MVB12B: variants seen among roughly 807,000 people sequenced by gnomAD.
The protein encoded by MVB12B is multivesicular body subunit 12B.
MVB12B carries 16 observed loss-of-function variants against 41.6 expected under a neutral mutation model. The observed-to-expected ratio is 0.38, with a 90% CI of 0.26 to 0.58. The LOEUF is 0.58. Ranked by LOEUF, MVB12B falls within the 20% of genes least tolerant of loss-of-function variation. The pLI, the probability that MVB12B is intolerant of heterozygous loss-of-function variation, is 0.62. For missense variants in MVB12B, 274 were observed against 380.2 expected (o/e 0.72, Z 2.32); for synonymous variants, 133 against 139.7 (o/e 0.95, Z 0.34).
At chr9:126,419,669 A>T (rs549911794) in intron 6 of MVB12B, among the ~76,000 whole-genome samples, 2 of 152,280 alleles carry the variant, frequency 1.3e-5, no homozygotes, top group South Asian at 4.2e-4. Flanking sequence ...GTGGTCAGAG[A>T]CATTGATCAA....
At chr9:126,374,550 C>G (rs999319047) in intron 2 of MVB12B, among the ~76,000 whole-genome samples, 3 of 152,162 alleles carry the variant, frequency 2.0e-5, no homozygotes, top group Non-Finnish European at 4.4e-5. Flanking sequence ...GGGTGGGGGC[C>G]AGGTCCCGAA....
rs1056260090 is a variant in MVB12B, at chr9:126,375,707, AG to A, written c.205-5356del. Among the ~76,000 whole-genome samples the A allele has an allele frequency of 1.2e-3, 185 of 152,278 alleles. 1 individual carries two copies. The highest frequency in any genetic ancestry group is 4.0e-3 in the African/African-American group (166 of 41,546). ...GGGCCCCTGGGAGATAAACTTTTTA[AG>A]TCCTTGCACATCGGCAAAGGTCTTT... is the stretch of plus-strand genomic sequence containing the variant. On this transcript the variant is annotated intron_variant, in intron 2 of 9. Coordinates refer to ENST00000361171, the MANE Select transcript of MVB12B (RefSeq NM_033446.3).
Position 126,336,337 on chromosome 9 carries a change from G to A in MVB12B, c.82-4171G>A, listed in dbSNP as rs534122977. Among the ~76,000 whole-genome samples, 8 of 152,328 alleles carry A rather than the reference G, an allele frequency of 5.3e-5. No individual in the cohort carries two copies. The South Asian group carries it at 1.2e-3, about 24-fold the overall frequency. The stretch of plus-strand genomic sequence containing the variant: ...CTCTGTTTTCTCCCAGACTGGGGCC[G>A]GGAGGCACACCTTTGATTCCGAAAC... On this transcript the variant is annotated intron_variant, in intron 1 of 9. Transcript: ENST00000361171.
Position 126,478,793 on chromosome 9 carries a change from A to T in MVB12B, c.758-2576A>T, listed in dbSNP as rs1320441299. Among the ~76,000 whole-genome samples the T allele has an allele frequency of 6.6e-6, 1 of 151,970 alleles. No individual in the cohort carries two copies. Among genetic ancestry groups the T allele is most frequent in the Non-Finnish European group, 1.5e-5 (1 of 67,974 alleles). On this transcript the variant is annotated intron_variant, in intron 7 of 9. Transcript: ENST00000361171. This position sits in a 1 kb window ranked among gnomAD's most constrained non-coding sequence, Gnocchi z 4.2. Reference sequence around the variant, plus strand: ...TCTCAGCCCCCTCAGTTCCTGATGTAATCAGGTCTTTGCACATCACCTTAC... The same window carrying T: ...TCTCAGCCCCCTCAGTTCCTGATGTTATCAGGTCTTTGCACATCACCTTAC...
chr9:126,356,765 C>T (rs980065787), intron 2 of MVB12B, among the ~76,000 whole-genome samples: 5 of 151,948 alleles, frequency 3.3e-5, no homozygotes, highest in African/African-American at 1.2e-4. Context: ...AGAGAGTTCT[C>T]GAGAGACCTG....
Position 126,429,449 on chromosome 9 carries a change from T to G in MVB12B, c.757+7501T>G, listed in dbSNP as rs1027235002. 2.0e-5 allele frequency among the ~76,000 whole-genome samples: 3 copies of G among 152,170 alleles called. No individual in the cohort carries two copies. The South Asian group carries it at 6.2e-4, about 31-fold the overall frequency. On this transcript the variant is annotated intron_variant, in intron 7 of 9. Transcript: ENST00000361171. ...GTTTCGATTGATGAATTGCCTGCTT[T>G]CTTGATTAAACCTTCCGTCACTTAA... is the stretch of plus-strand genomic sequence containing the variant.
At chr9:126,329,961 G>T (rs184417114) in intron 1 of MVB12B, among the ~76,000 whole-genome samples, 22 of 150,824 alleles carry the variant, frequency 1.5e-4, no homozygotes, top group African/African-American at 4.9e-4. Flanking sequence ...CTGCTTGCTG[G>T]GCTGCCCTAG....
rs1564325393 is a variant in MVB12B at position 126,427,150 on chromosome 9, A to G, written c.757+5202A>G. Among the ~76,000 whole-genome samples the G allele has an allele frequency of 3.3e-5, 5 of 152,234 alleles. No homozygotes were observed. The South Asian group carries it at 1.0e-3, about 32-fold the overall frequency. On this transcript the variant is annotated intron_variant, in intron 7 of 9. Transcript: ENST00000361171. ...AGGGCTCCATAAAATGCTGTAAACA[A>G]TGTAACAATTGCTTTTCAATGATTA... is the stretch of plus-strand genomic sequence containing the variant.
At chr9:126,382,841 C>T (rs1244098098) in intron 3 of MVB12B, among the ~76,000 whole-genome samples, 3 of 152,136 alleles carry the variant, frequency 2.0e-5, no homozygotes, top group African/African-American at 7.2e-5. Context: ...GTCACTGGGG[C>T]TTGTTAGCAT....
At chr9:126,491,363 T>C (rs1490364657) in intron 9 of MVB12B, among the ~76,000 whole-genome samples, 1 of 152,232 alleles carries the variant, frequency 6.6e-6, no homozygotes, top group Non-Finnish European at 1.5e-5. Flanking sequence ...AATGTTCCTA[T>C]TCCCGCACAA....
At chr9:126,351,483 C>CTTTTTTTTTTTTT (rs34141510) in intron 2 of MVB12B, among the ~76,000 whole-genome samples, 1 of 86,298 alleles carries the variant, frequency 1.2e-5, no homozygotes, top group African/African-American at 4.6e-5. Context: ...GTCTTTCACT[C>CTTTTTTTTTTTTT]TTTTTTTTTT....
chr9:126,327,902 G>A (rs1369509995), intron 1 of MVB12B, among the ~76,000 whole-genome samples: 1 of 152,138 alleles, frequency 6.6e-6, no homozygotes, highest in African/African-American at 2.4e-5. Flanking sequence ...AAGAACCAGA[G>A]CCCACTCCGA....
intron 7 of MVB12B, among the ~76,000 whole-genome samples, chr9:126,470,949 A>C (rs184524063): frequency 1.1e-4 from 17 of 152,354 alleles, no homozygotes; most frequent in Admixed American, 1.0e-3. Context: ...ACGAATGGCT[A>C]ACAGTTACTG....
At chr9:126,407,493 G>A (rs1001494243) in intron 6 of MVB12B, among the ~76,000 whole-genome samples, 1 of 152,136 alleles carries the variant, frequency 6.6e-6, no homozygotes, top group African/African-American at 2.4e-5. Flanking sequence ...TTAGAGGAGG[G>A]CGTCATTAAT....
At chr9:126,406,570 A>C (rs544633533) in intron 6 of MVB12B, among the ~76,000 whole-genome samples, 11 of 152,324 alleles carry the variant, frequency 7.2e-5, no homozygotes, top group Admixed American at 5.9e-4. Context: ...AGCAGTGCCC[A>C]TATGTTCCTT....
chr9:126,394,662 C>T (rs370781329), intron 5 of MVB12B, among the ~76,000 whole-genome samples: 128 of 152,272 alleles, frequency 8.4e-4, no homozygotes, highest in African/African-American at 2.5e-3. Context: ...CTGGAGGCCA[C>T]GGCCCAGAGG....
chr9:126,494,594 TC>T (rs1833792902), intron 9 of MVB12B, among the ~76,000 whole-genome samples: 1 of 152,184 alleles, frequency 6.6e-6, no homozygotes, highest in South Asian at 2.1e-4. Context: ...CTTTTGCACC[TC>T]TAGTTTTAGG....
At chr9:126,412,713 C>G (rs776087179) in intron 6 of MVB12B, among the ~76,000 whole-genome samples, 2 of 152,224 alleles carry the variant, frequency 1.3e-5, no homozygotes, top group Non-Finnish European at 2.9e-5. Context: ...GTGAGCCTCT[C>G]CTGCCCCTCA....
intron 7 of MVB12B, among the ~76,000 whole-genome samples, chr9:126,470,243 T>C (rs764786166): frequency 6.6e-6 from 1 of 152,220 alleles, no homozygotes; most frequent in Non-Finnish European, 1.5e-5. Flanking sequence ...AAGCAATGTT[T>C]GCTGAGGAGT....
Sources: gnomAD v4.1 joint callset for allele counts (sites outside exome capture counted in the v4.1 genomes callset) on GRCh38, gnomAD v4.1.1 for gene constraint, Gnocchi (gnomAD v3.1) non-coding constraint, MANE v1.5 for transcripts, NCBI Gene and HGNC (gene_info 2026-07-23, HGNC 2026-07-21) for gene names.